The following DNAJC24 variants were observed in gnomAD, a reference collection of about 807,000 sequenced individuals.
The protein encoded by DNAJC24 is dnaJ homolog subfamily C member 24.
DNAJC24 carries 17 observed loss-of-function variants against 18.0 expected under a neutral mutation model. The ratio of observed to expected loss-of-function variants is 0.94; its 90% CI spans 0.65 to 1.42. The LOEUF (loss-of-function observed/expected upper bound fraction) is 1.42, where lower values mean the gene tolerates loss of function less well. Ranked by LOEUF, DNAJC24 falls within the 40% of genes most tolerant of loss-of-function variation. The pLI is 0.00. For synonymous variants in DNAJC24, 55 were observed against 57.7 expected, an observed-to-expected ratio of 0.95 and a Z score of 0.21; for missense variants, 158 against 175.6, an observed-to-expected ratio of 0.90 and a Z score of 0.57.
At chr11:31,405,588 C>T (rs1490806400) in intron 2 of DNAJC24, among the ~76,000 whole-genome samples, 1 of 151,968 alleles carries the variant, frequency 6.6e-6, no homozygotes, top group African/African-American at 2.4e-5. Flanking sequence ...AGGAATCCTC[C>T]TACTTCAGCC....
chr11:31,393,582 A>G (rs1433442134), intron 2 of DNAJC24, among the ~76,000 whole-genome samples: 2 of 152,212 alleles, frequency 1.3e-5, no homozygotes, highest in East Asian at 1.9e-4. Flanking sequence ...TATCCCTGCT[A>G]TGTGAAGATC....
At chr11:31,392,378 C>A (rs1158291624) in intron 2 of DNAJC24, among the ~76,000 whole-genome samples, 1 of 152,010 alleles carries the variant, frequency 6.6e-6, no homozygotes, top group Non-Finnish European at 1.5e-5. Flanking sequence ...ATATATAAAC[C>A]TAGTATGTAC....
rs560623706 is a variant in DNAJC24 at position 31,426,190 on chromosome 11, TGTA to T, written c.251-94_251-92del. 3.8e-4 allele frequency: 278 copies of T among 730,818 alleles called. 2 individuals carry two copies. The South Asian group carries it at 4.7e-3, about 12-fold the overall frequency. 45.3% of individuals were successfully genotyped at this position (730,818 alleles called of 1,614,324 possible). ...TTTTAAGTGATAGGTAAGTTAGAATTGTAGTGGCCAGGCTGGCGTTGCCTTTTT... is the reference window on the plus strand; with the variant it reads ...TTTTAAGTGATAGGTAAGTTAGAATTGTGGCCAGGCTGGCGTTGCCTTTTT... On this transcript the variant is annotated intron_variant, in intron 3 of 4. Transcript: ENST00000465995.
intron 2 of DNAJC24, among the ~76,000 whole-genome samples, chr11:31,402,533 G>A (rs1952609444): frequency 6.6e-6 from 1 of 152,170 alleles, no homozygotes; most frequent in South Asian, 2.1e-4. Flanking sequence ...TATAGAGACA[G>A]GGTCTTGCTC....
chr11:31,419,928 C>T (rs1221905647), intron 3 of DNAJC24, among the ~76,000 whole-genome samples: 1 of 152,010 alleles, frequency 6.6e-6, no homozygotes, highest in East Asian at 1.9e-4. Context: ...ATAAAACATA[C>T]CCAGATTATT....
At chr11:31,417,875 A>G (rs976443219) in intron 3 of DNAJC24, among the ~76,000 whole-genome samples, 1 of 152,068 alleles carries the variant, frequency 6.6e-6, no homozygotes. Flanking sequence ...CTTGACGTCC[A>G]TATTTCTTTG....
chr11:31,429,296 A>G (rs902801426), intron 4 of DNAJC24, among the ~76,000 whole-genome samples: 1 of 151,746 alleles, frequency 6.6e-6, no homozygotes, highest in Non-Finnish European at 1.5e-5. Context: ...TTGATAAGAG[A>G]GCAGGTACAA....
intron 2 of DNAJC24, among the ~76,000 whole-genome samples, chr11:31,387,029 GA>G (rs1381428221): frequency 1.3e-5 from 2 of 152,104 alleles, no homozygotes; most frequent in African/African-American, 4.8e-5. Context: ...GAAAAGAGAG[GA>G]AAAAGTGGGA....
In DNAJC24 at chr11:31,374,432, TC is replaced by T. The variant is rs1952293567; in HGVS notation, c.111+3576del. Among the ~76,000 whole-genome samples the T allele has an allele frequency of 1.5e-5, 2 of 134,040 alleles. 1 individual carries two copies. 87.9% of individuals were successfully genotyped at this position (134,040 alleles called of 152,430 possible). ...TTTCTTAAGTTAAACCCACTTCTCA[TC>T]CCTAGGATAAACAAACCACTTATCA... is the stretch of plus-strand genomic sequence containing the variant. On this transcript the variant is annotated intron_variant, in intron 2 of 4. Coordinates refer to ENST00000465995, the MANE Select transcript of DNAJC24 (RefSeq NM_181706.5).
rs1343903025 is a variant in DNAJC24, at chr11:31,430,304, G to T, written c.353G>T (p.Gly118Val). Reference sequence around the variant, plus strand: ...TCTTTTTATCTGAGTTGCAGATGTGGTGGAAAATACAGTGTTTCCAAGGAT... The same window carrying T: ...TCTTTTTATCTGAGTTGCAGATGTGTTGGAAAATACAGTGTTTCCAAGGAT... ...DHSFYLSCRCGGKYSVSKDEA... is the reference protein window; with the variant it reads ...DHSFYLSCRCVGKYSVSKDEA... The change falls in exon 5 of 5, where the codon GGT (glycine) becomes GTT (valine). Residue 118 changes from glycine to valine, a missense_variant. By Grantham distance (109) the Gly-to-Val change is moderately radical. Transcript: ENST00000465995. The T allele has an allele frequency of 6.2e-7, 1 of 1,610,476 alleles. No homozygotes were observed. Among genetic ancestry groups the T allele is most frequent in the African/African-American group, 1.3e-5 (1 of 74,844 alleles).
At chr11:31,407,293 A>G (rs1952665316) in intron 2 of DNAJC24, among the ~76,000 whole-genome samples, 1 of 152,200 alleles carries the variant, frequency 6.6e-6, no homozygotes, top group South Asian at 2.1e-4. Flanking sequence ...GTATCAAAAC[A>G]GCACAATCAC....
intron 2 of DNAJC24, among the ~76,000 whole-genome samples, chr11:31,386,456 C>G (rs1448590731): frequency 6.6e-6 from 1 of 151,202 alleles, no homozygotes; most frequent in Non-Finnish European, 1.5e-5. Flanking sequence ...GCCCCCCATT[C>G]TAGGCTGTAG....
Position 31,370,772 on chromosome 11 carries a change from A to C in DNAJC24, c.24A>C (p.Pro8=), listed in dbSNP as rs191061102. Residue 8 remains proline (P), a synonymous_variant, in exon 2 of 5, where the codon CCA becomes CCC. Transcript: ENST00000465995. MMAVEQM[P]KKDWYSILGA... ...GGATGATGGCGGTTGAGCAGATGCCAAAAAAGGATTGGTACAGCATCCTGG... is the reference window on the plus strand; with the variant it reads ...GGATGATGGCGGTTGAGCAGATGCCCAAAAAGGATTGGTACAGCATCCTGG... The C allele has an allele frequency of 2.7e-4, 437 of 1,606,548 alleles. 4 individuals carry two copies. In the African/African-American group the frequency reaches 5.2e-3, roughly 19 times the overall value.
chr11:31,401,457 C>T (rs1008274806), intron 2 of DNAJC24, among the ~76,000 whole-genome samples: 4 of 151,822 alleles, frequency 2.6e-5, no homozygotes, highest in African/African-American at 9.7e-5. Flanking sequence ...CCCCTTCTCC[C>T]GCTGTCTCCT....
At chr11:31,395,483 A>G (rs922616953) in intron 2 of DNAJC24, among the ~76,000 whole-genome samples, 3 of 152,200 alleles carry the variant, frequency 2.0e-5, no homozygotes, top group Admixed American at 6.5e-5. Context: ...TGCTTTCCAC[A>G]GTAGCTGAAC....
chr11:31,411,962 T>C (rs1952714506), intron 2 of DNAJC24, among the ~76,000 whole-genome samples: 2 of 152,170 alleles, frequency 1.3e-5, no homozygotes, highest in South Asian at 4.1e-4. Flanking sequence ...ATATACTTAT[T>C]TTCTTGCTAT....
intron 3 of DNAJC24, among the ~76,000 whole-genome samples, chr11:31,420,946 C>T (rs1952798120): frequency 6.6e-6 from 1 of 152,104 alleles, no homozygotes; most frequent in Admixed American, 6.6e-5. Context: ...CATTTGGTAC[C>T]TTCAGTGAGC....
intron 2 of DNAJC24, among the ~76,000 whole-genome samples, chr11:31,385,276 C>T (rs1952416703): frequency 6.6e-6 from 1 of 152,148 alleles, no homozygotes; most frequent in Non-Finnish European, 1.5e-5. Context: ...GAGCCATGAT[C>T]TTCCCAGATA....
chr11:31,391,292 C>A (rs1419646607), intron 2 of DNAJC24, among the ~76,000 whole-genome samples: 1 of 152,136 alleles, frequency 6.6e-6, no homozygotes, highest in Non-Finnish European at 1.5e-5. Context: ...AGATCTGGAA[C>A]ATGACAAAGA....
Sources: gnomAD v4.1 joint callset for allele counts (sites outside exome capture counted in the v4.1 genomes callset) on GRCh38, gnomAD v4.1.1 for gene constraint, MANE v1.5 for transcripts, NCBI Gene and HGNC (gene_info 2026-07-23, HGNC 2026-07-21) for gene names.